The following FXR2 variants were observed in gnomAD, a reference collection of about 807,000 sequenced individuals.
FXR2 encodes the protein FMR1 autosomal homolog 2, also known as RNA-binding protein FXR2.
Under a neutral mutation model 87.3 loss-of-function variants are expected in FXR2, and 9 were observed. That is an observed-to-expected ratio of 0.10 (90% CI 0.06 to 0.18). The LOEUF is 0.18. Ranked by LOEUF, FXR2 falls within the 10% of genes least tolerant of loss-of-function variation. The pLI is 1.00. For synonymous variants in FXR2, 331 were observed against 328.3 expected, an observed-to-expected ratio of 1.01 and a Z score of -0.09; for missense variants, 661 against 893.6, an observed-to-expected ratio of 0.74 and a Z score of 3.32.
intron 1 of FXR2, among the ~76,000 whole-genome samples, chr17:7,610,037 T>C (rs150299412): frequency 6.7e-5 from 6 of 90,194 alleles, no homozygotes; most frequent in African/African-American, 3.9e-4. Context: ...TATACATGTA[T>C]GTATATATAT....
At chr17:7,610,437 G>A (rs1216549558) in intron 1 of FXR2, among the ~76,000 whole-genome samples, 1 of 152,118 alleles carries the variant, frequency 6.6e-6, no homozygotes, top group African/African-American at 2.4e-5. Flanking sequence ...CCCAGGGTGA[G>A]CAGCAATATT....
chr17:7,599,854 G>C (rs2071738860), intron 7 of FXR2, among the ~76,000 whole-genome samples: 1 of 152,064 alleles, frequency 6.6e-6, no homozygotes. Flanking sequence ...CTCTAGCCTG[G>C]GCGACAGAGA....
At chr17:7,607,061 A>C (rs2071808673) in intron 1 of FXR2, among the ~76,000 whole-genome samples, 1 of 152,192 alleles carries the variant, frequency 6.6e-6, no homozygotes, top group Non-Finnish European at 1.5e-5. Flanking sequence ...GCTCACGCCT[A>C]TAATCCCAGC....
chr17:7,603,946 G>C, intron 4 of FXR2, 41 bp from the exon 5 acceptor site: 2 of 1,611,984 alleles, frequency 1.2e-6, no homozygotes, highest in Non-Finnish European at 1.7e-6. Flanking sequence ...GATGACCTGA[G>C]CAACTTTCTA....
intron 7 of FXR2, among the ~76,000 whole-genome samples, chr17:7,598,585 C>T (rs970834557): frequency 6.6e-6 from 1 of 152,220 alleles, no homozygotes; most frequent in Non-Finnish European, 1.5e-5. Flanking sequence ...TACTCTCTGA[C>T]CGAATTTTGT....
rs950536080 is a variant in FXR2, at chr17:7,593,289, A to G, written c.1331-108T>C. 4.1e-6 allele frequency: 5 copies of G among 1,220,356 alleles called. No homozygotes were observed. The highest frequency in any genetic ancestry group is 5.1e-5 in the East Asian group (2 of 39,204). 75.6% of individuals were successfully genotyped at this position (1,220,356 alleles called of 1,614,324 possible). The stretch of plus-strand genomic sequence containing the variant: ...TTCTCACTCACAAGCCTCCCAGCCA[A>G]TCAATCACTTTTTCATCATCTCCAT... On this transcript the variant is annotated intron_variant, in intron 12 of 16. Transcript: ENST00000250113. The surrounding 1 kb of genome is among the most constrained non-coding windows in gnomAD (Gnocchi z 6.1).
Position 7,591,468 on chromosome 17 carries a change from T to C in FXR2, c.*362A>G, listed in dbSNP as rs2071659030. 7.4e-6 allele frequency: 2 copies of C among 269,338 alleles called. No homozygotes were observed. Among genetic ancestry groups the C allele is most frequent in the South Asian group, 3.6e-5 (1 of 28,154 alleles). The allele number at this position is 269,338 out of a possible 1,614,324, so 16.7% of individuals were successfully genotyped here. ...GGGGGGTACAGGATGGGAGGAGGGA[T>C]AGCAGGGGAGGCCCCCTGAACGGTC... On this transcript the variant is annotated 3_prime_UTR_variant, in exon 17 of 17. Transcript: ENST00000250113. The surrounding 1 kb of genome is among the most constrained non-coding windows in gnomAD (Gnocchi z 4.0).
chr17:7,594,102 A>G lies in FXR2; in HGVS notation c.1021-98T>C. On this transcript the variant is annotated intron_variant, in intron 10 of 16. Coordinates refer to ENST00000250113, the MANE Select transcript of FXR2 (RefSeq NM_004860.4). This position sits in a 1 kb window ranked among gnomAD's most constrained non-coding sequence, Gnocchi z 5.1. ...CTAGGGGAGCCTGCCCAGTGGGATC[A>G]TTCTGGGCTCTAAATCTACTAGTGT... The G allele has an allele frequency of 1.1e-6, 1 of 927,146 alleles. No individual in the cohort carries two copies. Among genetic ancestry groups the G allele is most frequent in the Admixed American group, 1.9e-5 (1 of 53,596 alleles). The allele number at this position is 927,146 out of a possible 1,614,324, so 57.4% of individuals were successfully genotyped here. A position where few individuals can be genotyped will look rare whatever the true frequency, so the allele number is the denominator to read the frequency against.
At position 7,591,756 on chromosome 17, in the gene FXR2, T is replaced by G; in HGVS notation, c.*74A>C. The G allele has an allele frequency of 1.2e-6, 1 of 840,962 alleles. No homozygotes were observed. The highest frequency in any genetic ancestry group is 2.1e-6 in the Non-Finnish European group (1 of 486,882). 52.1% of individuals were successfully genotyped at this position (840,962 alleles called of 1,614,324 possible). A position where few individuals can be genotyped will look rare whatever the true frequency, so the allele number is the denominator to read the frequency against. On this transcript the variant is annotated 3_prime_UTR_variant, in exon 17 of 17. Coordinates refer to ENST00000250113, the MANE Select transcript of FXR2 (RefSeq NM_004860.4). This position sits in a 1 kb window ranked among gnomAD's most constrained non-coding sequence, Gnocchi z 4.0. Reference sequence around the variant, plus strand: ...TAGATAAGAGCAGCTCCAGCGCAGGTCAGTTGGGCCTGTGAGGGCCATGGT... The same window carrying G: ...TAGATAAGAGCAGCTCCAGCGCAGGGCAGTTGGGCCTGTGAGGGCCATGGT...
Position 7,595,372 on chromosome 17 carries a change from A to G in FXR2, c.831+452T>C, listed in dbSNP as rs1265894370. 6.6e-6 allele frequency among the ~76,000 whole-genome samples: 1 copy of G among 152,082 alleles called. No homozygotes were observed. The highest frequency in any genetic ancestry group is 2.4e-5 in the African/African-American group (1 of 41,406). ...TGGTGTACTGCAGCCTTGACTTTCC[A>G]GGCTCAAGTGATCCTCCTGCCTCCG... is the stretch of plus-strand genomic sequence containing the variant. On this transcript the variant is annotated intron_variant, in intron 8 of 16. Coordinates refer to ENST00000250113, the MANE Select transcript of FXR2 (RefSeq NM_004860.4). This position sits in a 1 kb window ranked among gnomAD's most constrained non-coding sequence, Gnocchi z 4.7.
At chr17:7,597,381 CTAAGT>C (rs1474509457) in intron 7 of FXR2, among the ~76,000 whole-genome samples, 1 of 152,040 alleles carries the variant, frequency 6.6e-6, no homozygotes, top group Non-Finnish European at 1.5e-5. Context: ...GAAAAATAAA[CTAAGT>C]TGAGTGTTCA....
intron 1 of FXR2, among the ~76,000 whole-genome samples, chr17:7,610,047 T>TAC (rs35635534): frequency 0.032 from 4,392 of 137,148 alleles, 306 homozygotes; most frequent in African/African-American, 0.11. Flanking sequence ...TGTATATATA[T>TAC]ACACACACAC....
In FXR2 at chr17:7,595,189, C is replaced by T. The variant is rs952940177; in HGVS notation, c.832-432G>A. Among the ~76,000 whole-genome samples, 2 of 151,590 alleles carry T rather than the reference C, an allele frequency of 1.3e-5. No homozygotes were observed. Among genetic ancestry groups the T allele is most frequent in the Admixed American group, 1.3e-4 (2 of 15,192 alleles). ...GACCTTGGCCAGGCACAGCGGCTCA[C>T]ACCCATAATCTCAACAGTTTCGGAG... On this transcript the variant is annotated intron_variant, in intron 8 of 16. Coordinates refer to ENST00000250113, the MANE Select transcript of FXR2 (RefSeq NM_004860.4). The surrounding 1 kb of genome is among the most constrained non-coding windows in gnomAD (Gnocchi z 4.7).
At position 7,592,038 on chromosome 17, in the gene FXR2, G is replaced by T; in HGVS notation, c.1927-113C>A. On this transcript the variant is annotated intron_variant, in intron 16 of 16. Coordinates refer to ENST00000250113, the MANE Select transcript of FXR2 (RefSeq NM_004860.4). This position sits in a 1 kb window ranked among gnomAD's most constrained non-coding sequence, Gnocchi z 4.8. ...CCTGGCATTTGGTGATCCAGAGGTT[G>T]GTTCCCTGATCTCATGATCCAGTCT... 3 of 1,284,130 alleles carry T rather than the reference G, an allele frequency of 2.3e-6. No individual in the cohort carries two copies. The highest frequency in any genetic ancestry group is 3.2e-6 in the Non-Finnish European group (3 of 942,652). 79.5% of individuals were successfully genotyped at this position (1,284,130 alleles called of 1,614,324 possible). A position where few individuals can be genotyped will look rare whatever the true frequency, so the allele number is the denominator to read the frequency against.
At chr17:7,610,188 A>G (rs2071852207) in intron 1 of FXR2, among the ~76,000 whole-genome samples, 1 of 151,832 alleles carries the variant, frequency 6.6e-6, no homozygotes, top group East Asian at 1.9e-4. Flanking sequence ...GGATTTCTAG[A>G]ATTATTCCAA....
chr17:7,602,816 A>G (rs2071769560), intron 6 of FXR2, 93 bp downstream of exon 6: 5 of 690,112 alleles, frequency 7.2e-6, no homozygotes, highest in Non-Finnish European at 1.3e-5. Context: ...ATATAAGCAC[A>G]TTTAAGCCCT....
In FXR2 at chr17:7,592,206, G is replaced by C. The variant is rs746987630; in HGVS notation, c.1926+48C>G. ...GAAATTTTTTGTGCCCCCTGCCCCA[G>C]AGTAACAACAAAAAAGGGATGGGGT... On this transcript the variant is annotated intron_variant, in intron 16 of 16. Transcript: ENST00000250113. The surrounding 1 kb of genome is among the most constrained non-coding windows in gnomAD (Gnocchi z 4.8). 6 of 1,543,166 alleles carry C rather than the reference G, an allele frequency of 3.9e-6. No individual in the cohort carries two copies. Among genetic ancestry groups the C allele is most frequent in the Non-Finnish European group, 5.3e-6 (6 of 1,121,738 alleles).
Position 7,609,286 on chromosome 17 carries a change from CACTT to C in FXR2, c.82-3141_82-3138del, listed in dbSNP as rs1291399947. 2.6e-5 allele frequency among the ~76,000 whole-genome samples: 4 copies of C among 152,206 alleles called. No homozygotes were observed. The East Asian group carries it at 7.7e-4, about 29-fold the overall frequency. On this transcript the variant is annotated intron_variant, in intron 1 of 16. Transcript: ENST00000250113. ...CCTCATAGAACTAATCAATCACAAA[CACTT>C]ACCAGATTGCTATTTCCTTACGATG...
At position 7,592,655 on chromosome 17, in the gene FXR2, A is replaced by G; in HGVS notation, c.1729+39T>C. The G allele has an allele frequency of 6.2e-7, 1 of 1,611,450 alleles. No homozygotes were observed. The highest frequency in any genetic ancestry group is 8.5e-7 in the Non-Finnish European group (1 of 1,178,402). On this transcript the variant is annotated intron_variant, in intron 14 of 16. Transcript: ENST00000250113. The surrounding 1 kb of genome is among the most constrained non-coding windows in gnomAD (Gnocchi z 4.8). ...ATCCAACCTCCCACCCTCGATTCCTACCCATCTCTAACTTTCCAGACCCCA... is the reference window on the plus strand; with the variant it reads ...ATCCAACCTCCCACCCTCGATTCCTGCCCATCTCTAACTTTCCAGACCCCA...
Sources: gnomAD v4.1 joint callset for allele counts (sites outside exome capture counted in the v4.1 genomes callset) on GRCh38, gnomAD v4.1.1 for gene constraint, Gnocchi (gnomAD v3.1) non-coding constraint, MANE v1.5 for transcripts, NCBI Gene and HGNC (gene_info 2026-07-23, HGNC 2026-07-21) for gene names.